Variants in PCDHAC1 observed in about 807,000 individuals in gnomAD.
PCDHAC1 encodes the protein protocadherin alpha subfamily C, 1, also known as protocadherin alpha-C1.
PCDHAC1 carries 42 observed loss-of-function variants against 60.0 expected under a neutral mutation model. That is an observed-to-expected ratio of 0.70 (90% CI 0.55 to 0.90). The LOEUF (loss-of-function observed/expected upper bound fraction) is 0.90, where lower values mean the gene tolerates loss of function less well. Among genes scored for constraint, PCDHAC1 ranks in the 40% least tolerant of loss-of-function variants. The probability of loss-of-function intolerance (pLI) is 0.00; values close to 1 mark genes in which losing one functional copy is unlikely to be tolerated. For missense variants in PCDHAC1, 1,160 were observed against 1,222.3 expected (o/e 0.95, Z 0.76); for synonymous variants, 468 against 499.3 (o/e 0.94, Z 0.84).
intron 1 of PCDHAC1, among the ~76,000 whole-genome samples, chr5:140,978,590 A>G (rs192815977): frequency 2.0e-4 from 31 of 152,334 alleles, no homozygotes; most frequent in African/African-American, 7.5e-4. Context: ...TGTTCCCTTA[A>G]TGGGGCACTT....
At chr5:140,948,563 AT>A (rs1400147953) in intron 1 of PCDHAC1, among the ~76,000 whole-genome samples, 1 of 151,546 alleles carries the variant, frequency 6.6e-6, no homozygotes, top group East Asian at 1.9e-4. Context: ...GTTAAGTTGT[AT>A]TTTTTAAAGG....
At chr5:140,952,962 C>A (rs246032) in intron 1 of PCDHAC1, among the ~76,000 whole-genome samples, 85,448 of 151,620 alleles carry the variant, frequency 0.56, 24,697 homozygotes, top group African/African-American at 0.69. Context: ...GGAAGTGATA[C>A]ACACTTTTAA....
At chr5:140,986,899 C>G (rs2097217128) in intron 3 of PCDHAC1, among the ~76,000 whole-genome samples, 1 of 152,072 alleles carries the variant, frequency 6.6e-6, no homozygotes, top group African/African-American at 2.4e-5. Flanking sequence ...AGGCCCTATC[C>G]TAGACTAATG....
intron 3 of PCDHAC1, among the ~76,000 whole-genome samples, chr5:140,993,375 C>T (rs1238667698): frequency 1.3e-5 from 2 of 151,770 alleles, no homozygotes; most frequent in Non-Finnish European, 2.9e-5. Flanking sequence ...ACCTCCCAGC[C>T]GGGTCCCTGA....
At chr5:141,007,325 C>G (rs1303133451) in intron 3 of PCDHAC1, among the ~76,000 whole-genome samples, 2 of 145,322 alleles carry the variant, frequency 1.4e-5, no homozygotes, top group Non-Finnish European at 3.0e-5. Flanking sequence ...CTAAAGTGGA[C>G]AGATTGCCTG....
chr5:140,977,266 A>G (rs2096753154), intron 1 of PCDHAC1, among the ~76,000 whole-genome samples: 3 of 152,240 alleles, frequency 2.0e-5, no homozygotes, highest in Admixed American at 1.3e-4. Context: ...CAGATGTTAC[A>G]GTCTTTCTCA....
Position 140,928,995 on chromosome 5 carries a change from C to T in PCDHAC1, c.2103C>T (p.Phe701=), listed in dbSNP as rs1554206548. ...TTTTATTTCTGGGGTGCTTACTTTT[C>T]TTCGTGTGTACCAAGTTGCACCAGA... ...ISFLFLGCLL[F]FVCTKLHQSP... The change falls in exon 1 of 4, where the codon TTC becomes TTT. Residue 701 remains phenylalanine, a synonymous_variant. Transcript: ENST00000253807. 2 of 1,613,798 alleles carry T rather than the reference C, an allele frequency of 1.2e-6. No individual in the cohort carries two copies. The highest frequency in any genetic ancestry group is 1.7e-6 in the Non-Finnish European group (2 of 1,179,934).
At chr5:140,992,023 G>C (rs1415968916) in intron 3 of PCDHAC1, among the ~76,000 whole-genome samples, 2 of 148,226 alleles carry the variant, frequency 1.3e-5, no homozygotes, top group African/African-American at 4.9e-5. Flanking sequence ...GGCTCTGTGT[G>C]TGTGTGTGTG....
At chr5:140,932,633 A>T (rs1192123242) in intron 1 of PCDHAC1, among the ~76,000 whole-genome samples, 1 of 151,912 alleles carries the variant, frequency 6.6e-6, no homozygotes, top group African/African-American at 2.4e-5. Flanking sequence ...ACACTAAAAA[A>T]CTTTAGAATG....
intron 1 of PCDHAC1, chr5:140,969,386 C>G (rs782109093): frequency 6.3e-7 from 1 of 1,596,966 alleles, no homozygotes; most frequent in South Asian, 1.1e-5. Flanking sequence ...TACACATCCC[C>G]CAATATCCTG....
chr5:140,932,866 T>C (rs1584758563), intron 1 of PCDHAC1, among the ~76,000 whole-genome samples: 1 of 151,996 alleles, frequency 6.6e-6, no homozygotes, highest in Non-Finnish European at 1.5e-5. Flanking sequence ...TTATTGTCTT[T>C]TGTTGTCTTC....
chr5:140,962,855 G>A (rs556272423), intron 1 of PCDHAC1, among the ~76,000 whole-genome samples: 286 of 152,196 alleles, frequency 1.9e-3, no homozygotes, highest in Admixed American at 3.8e-3. Context: ...CTTGTGCTCG[G>A]TTTGTAGAGC....
chr5:140,985,498 C>G (rs540282855), intron 3 of PCDHAC1, among the ~76,000 whole-genome samples: 2 of 152,274 alleles, frequency 1.3e-5, no homozygotes, highest in African/African-American at 4.8e-5. Flanking sequence ...ATAGAGCCTG[C>G]CTTTCATTGA....
chr5:140,990,198 C>T (rs954813003), intron 3 of PCDHAC1, among the ~76,000 whole-genome samples: 5 of 151,968 alleles, frequency 3.3e-5, no homozygotes, highest in South Asian at 2.1e-4. Context: ...AATGTGGACC[C>T]GAAAGAGAAC....
chr5:140,952,327 A>G (rs1407008388), intron 1 of PCDHAC1, among the ~76,000 whole-genome samples: 2 of 134,678 alleles, frequency 1.5e-5, no homozygotes, highest in Non-Finnish European at 1.6e-5. Flanking sequence ...AACAAGAGTG[A>G]AACTCCATCT....
intron 3 of PCDHAC1, among the ~76,000 whole-genome samples, chr5:141,000,391 C>CTA (rs2097912428): frequency 7.9e-4 from 45 of 56,656 alleles, no homozygotes; most frequent in East Asian, 1.2e-3. Flanking sequence ...CTCTCTCTCT[C>CTA]TCTCTATATA....
At chr5:140,941,310 CTTCT>C (rs2093024652) in intron 1 of PCDHAC1, among the ~76,000 whole-genome samples, 1 of 79,250 alleles carries the variant, frequency 1.3e-5, no homozygotes, top group Non-Finnish European at 2.6e-5. Flanking sequence ...CTTTCTTTTT[CTTCT>C]TTCTCTTTTT....
At chr5:141,009,255 G>A (rs2098403504) in intron 3 of PCDHAC1, among the ~76,000 whole-genome samples, 1 of 152,162 alleles carries the variant, frequency 6.6e-6, no homozygotes. Context: ...CAGTGTTTGA[G>A]ACCAGCCTGG....
At chr5:140,955,470 G>C (rs1459601597) in intron 1 of PCDHAC1, among the ~76,000 whole-genome samples, 2 of 151,850 alleles carry the variant, frequency 1.3e-5, no homozygotes, top group African/African-American at 4.8e-5. Context: ...CTTTTTGCTT[G>C]GCACCTCTCC....
Sources: allele counts gnomAD v4.1 joint callset (sites outside exome capture counted in the v4.1 genomes callset), GRCh38; gene constraint gnomAD v4.1.1; transcripts MANE v1.5; gene names NCBI Gene and HGNC (gene_info 2026-07-23, HGNC 2026-07-21).